PCDH15: variants seen among roughly 807,000 people sequenced by gnomAD.
The protein encoded by PCDH15 is protocadherin-15.
In PCDH15, 129 loss-of-function variants were observed where a neutral mutation model predicts 178.5. That is an observed-to-expected ratio of 0.72 (90% CI 0.63 to 0.84). The LOEUF (loss-of-function observed/expected upper bound fraction) is 0.84. PCDH15 is among the 40% of genes least tolerant of loss of function. PCDH15 has a pLI of 0.00. For missense variants in PCDH15, 2,230 were observed against 2,099.9 expected (o/e 1.06, Z -1.21); for synonymous variants, 800 against 732.0 (o/e 1.09, Z -1.50).
intron 18 of PCDH15, among the ~76,000 whole-genome samples, chr10:54,027,370 G>T (rs944538054): frequency 1.1e-4 from 17 of 152,012 alleles, no homozygotes; most frequent in Non-Finnish European, 1.6e-4. Context: ...ACTGCCCAAA[G>T]TAATTTACAG....
At position 53,803,405 on chromosome 10, in the gene PCDH15, T is replaced by C. The variant is rs1391629732; in HGVS notation, c.*3174A>G. The C allele has an allele frequency of 6.6e-6, 1 of 151,944 alleles. No individual in the cohort carries two copies. Among genetic ancestry groups the C allele is most frequent in the Non-Finnish European group, 1.5e-5 (1 of 67,886 alleles). 9.4% of individuals were successfully genotyped at this position (151,944 alleles called of 1,614,324 possible). A position where few individuals can be genotyped will look rare whatever the true frequency, so the allele number is the denominator to read the frequency against. ...TTCAATTACTTCTGGCTCTATGATA[T>C]AAAAATGTTTTTAAATAATATTTTA... is the stretch of plus-strand genomic sequence containing the variant. On this transcript the variant is annotated 3_prime_UTR_variant, in exon 38 of 38. Coordinates refer to ENST00000644397, the MANE Select transcript of PCDH15 (RefSeq NM_001384140.1).
chr10:54,152,505 G>T (rs183131998), intron 14 of PCDH15, among the ~76,000 whole-genome samples: 17 of 151,730 alleles, frequency 1.1e-4, no homozygotes, highest in Middle Eastern at 3.4e-3. Flanking sequence ...AGGACTCCAG[G>T]ATACATTCAT....
At chr10:54,543,381 C>T (rs934972405) in intron 2 of PCDH15, among the ~76,000 whole-genome samples, 3 of 152,250 alleles carry the variant, frequency 2.0e-5, no homozygotes, top group African/African-American at 7.2e-5. Flanking sequence ...CCTACTGGGC[C>T]TTCATCCCTA....
intron 1 of PCDH15, among the ~76,000 whole-genome samples, chr10:55,277,051 A>C (rs950611519): frequency 6.6e-6 from 1 of 152,042 alleles, no homozygotes; most frequent in African/African-American, 2.4e-5. Context: ...GTTAGCTCTT[A>C]CATTTATTTA....
At chr10:55,608,941 A>G (rs983928444) in intron 2 of PCDH15, among the ~76,000 whole-genome samples, 5 of 151,864 alleles carry the variant, frequency 3.3e-5, no homozygotes, top group Non-Finnish European at 7.4e-5. Context: ...TTCAAGCTTT[A>G]AGGCCAGAAG....
intron 7 of PCDH15, among the ~76,000 whole-genome samples, chr10:54,328,080 T>C (rs7342027): frequency 0.68 from 102,554 of 151,824 alleles, 35,379 homozygotes; most frequent in Middle Eastern, 0.82. Flanking sequence ...CTTCATGGTA[T>C]CATCCAGAGT....
In PCDH15 at chr10:54,931,220, C is replaced by T. The variant is rs563750367; in HGVS notation, c.-79-33720G>A. 3.7e-4 allele frequency among the ~76,000 whole-genome samples: 57 copies of T among 152,280 alleles called. 1 individual carries two copies. The South Asian group carries it at 0.012, about 32-fold the overall frequency. ...TGGGTTTTATCATTCTGATACATTC[C>T]TGCTTGTCATTTTGCAAGTGTTTTC... is the stretch of plus-strand genomic sequence containing the variant. On this transcript the variant is annotated intron_variant, in intron 2 of 5. Transcript: ENST00000458638.
chr10:55,308,692 C>T (rs976861483), intron 1 of PCDH15, among the ~76,000 whole-genome samples: 2 of 152,134 alleles, frequency 1.3e-5, no homozygotes. Context: ...TCACCTGTTC[C>T]TACTTACCTT....
At chr10:54,201,340 C>A (rs1591132527) in intron 10 of PCDH15, among the ~76,000 whole-genome samples, 2 of 151,830 alleles carry the variant, frequency 1.3e-5, no homozygotes, top group East Asian at 3.9e-4. Flanking sequence ...GTAAATATTG[C>A]AATTTTCAAA....
At chr10:55,539,120 T>A (rs1841699689) in intron 2 of PCDH15, among the ~76,000 whole-genome samples, 1 of 151,236 alleles carries the variant, frequency 6.6e-6, no homozygotes, top group African/African-American at 2.4e-5. Context: ...TCTTCTAATG[T>A]GTGTACTATT....
intron 3 of PCDH15, among the ~76,000 whole-genome samples, chr10:54,809,573 T>C (rs1421996045): frequency 6.6e-6 from 1 of 152,168 alleles, no homozygotes; most frequent in Non-Finnish European, 1.5e-5. Flanking sequence ...ATTGTATTAT[T>C]ATCTCCTTTT....
rs1841184718 is a variant in PCDH15 at position 53,806,677 on chromosome 10, C to T, written c.5125G>A (p.Glu1709Lys). Residue 1709 changes from glutamate (E) to lysine (K), a missense_variant, in exon 38 of 38, where the codon GAG (glutamate) becomes AAG (lysine). By Grantham distance (56) the Glu-to-Lys change is moderately conservative (BLOSUM62 1). Transcript: ENST00000644397. ...TGGTCACTATGAAATTCCAAAGCCTCCTTGATGTTCTTACTGTCAATCATG... is the reference window on the plus strand; with the variant it reads ...TGGTCACTATGAAATTCCAAAGCCTTCTTGATGTTCTTACTGTCAATCATG... ...ESMIDSKNIKEALEFHSDHTQ... is the reference protein window; with the variant it reads ...ESMIDSKNIKKALEFHSDHTQ... 1.2e-6 allele frequency: 2 copies of T among 1,613,746 alleles called. No individual in the cohort carries two copies. Among genetic ancestry groups the T allele is most frequent in the Non-Finnish European group, 1.7e-6 (2 of 1,179,826 alleles).
chr10:53,920,450 A>G (rs2083903717), intron 25 of PCDH15, among the ~76,000 whole-genome samples: 1 of 152,058 alleles, frequency 6.6e-6, no homozygotes, highest in South Asian at 2.1e-4. Context: ...AAAAAGATAT[A>G]TAATTTAAAA....
intron 1 of PCDH15, among the ~76,000 whole-genome samples, chr10:54,718,868 T>C (rs1348099582): frequency 1.3e-5 from 2 of 151,776 alleles, no homozygotes; most frequent in Non-Finnish European, 2.9e-5. Context: ...AGCTAATTTT[T>C]GTATTTTTAG....
chr10:54,634,709 C>T (rs893370393), intron 2 of PCDH15, among the ~76,000 whole-genome samples: 2 of 151,896 alleles, frequency 1.3e-5, no homozygotes, highest in South Asian at 2.1e-4. Flanking sequence ...GATGCTTGCG[C>T]GTATACACTA....
At chr10:54,659,027 T>C (rs894497143) in intron 2 of PCDH15, among the ~76,000 whole-genome samples, 2 of 149,842 alleles carry the variant, frequency 1.3e-5, no homozygotes, top group Non-Finnish European at 3.0e-5. Context: ...TCAAGAAAGG[T>C]AAAAAAAAAG....
At chr10:54,066,978 G>A (rs1369376413) in intron 17 of PCDH15, 93 bp from the exon 18 acceptor site, 2 of 1,276,862 alleles carry the variant, frequency 1.6e-6, no homozygotes, top group African/African-American at 1.5e-5. Context: ...TATCTGAAAA[G>A]CATCTCATTT....
chr10:55,019,884 TA>T (rs548079932), intron 2 of PCDH15, among the ~76,000 whole-genome samples: 7 of 151,088 alleles, frequency 4.6e-5, no homozygotes, highest in African/African-American at 9.7e-5. Context: ...ATATTAAGAA[TA>T]AAAAAAACCA....
intron 9 of PCDH15, among the ~76,000 whole-genome samples, chr10:54,224,075 T>C (rs2053178903): frequency 6.6e-6 from 1 of 152,162 alleles, no homozygotes; most frequent in African/African-American, 2.4e-5. Context: ...AAAATGTTTA[T>C]CTTTACATAT....
Sources: allele counts gnomAD v4.1 joint callset (sites outside exome capture counted in the v4.1 genomes callset), GRCh38; gene constraint gnomAD v4.1.1; transcripts MANE v1.5; gene names NCBI Gene and HGNC (gene_info 2026-07-23, HGNC 2026-07-21).